AUTS2: variants seen among roughly 807,000 people sequenced by gnomAD.
AUTS2 encodes the protein activator of transcription and developmental regulator AUTS2.
A neutral mutation model predicts 112.4 loss-of-function variants in AUTS2; 17 were observed. That is an observed-to-expected ratio of 0.15 (90% CI 0.10 to 0.23). The LOEUF (loss-of-function observed/expected upper bound fraction) is 0.23. AUTS2 is among the 10% of genes least tolerant of loss of function. The probability of loss-of-function intolerance (pLI) is 1.00; values close to 1 mark genes in which losing one functional copy is unlikely to be tolerated. For missense variants in AUTS2, 1,510 were observed against 1,701.6 expected, an observed-to-expected ratio of 0.89 and a Z score of 1.98; for synonymous variants, 751 against 702.7, an observed-to-expected ratio of 1.07 and a Z score of -1.09.
chr7:70,171,169 A>C (rs1478029956), intron 4 of AUTS2, among the ~76,000 whole-genome samples: 1 of 152,174 alleles, frequency 6.6e-6, no homozygotes, highest in Non-Finnish European at 1.5e-5. Context: ...CAAAATTGAA[A>C]ATTCTTTAAA....
intron 6 of AUTS2, among the ~76,000 whole-genome samples, chr7:70,737,034 A>G (rs112826151): frequency 6.6e-6 from 1 of 152,222 alleles, no homozygotes; most frequent in Non-Finnish European, 1.5e-5. Flanking sequence ...TTTTACTCTC[A>G]AGTGACTAAA....
chr7:69,609,108 C>T (rs542158800), intron 1 of AUTS2, among the ~76,000 whole-genome samples: 1 of 152,234 alleles, frequency 6.6e-6, no homozygotes, highest in South Asian at 2.1e-4. Flanking sequence ...AACAACAGCC[C>T]ACAGGGGTTA....
chr7:70,195,691 G>A lies in AUTS2; in HGVS notation c.660+61120G>A, dbSNP rs190763586. Among the ~76,000 whole-genome samples the A allele has an allele frequency of 7.3e-4, 111 of 152,248 alleles. 1 individual carries two copies. In the Middle Eastern group the frequency reaches 0.014, roughly 19 times the overall value. On this transcript the variant is annotated intron_variant, in intron 4 of 18. Transcript: ENST00000342771. ...ACCAAAAGAATTCTAAATCTGCTCT[G>A]AATAGTAGAAGACAATGGGAGACAT...
chr7:70,514,409 G>C (rs1799330770), intron 5 of AUTS2, among the ~76,000 whole-genome samples: 4 of 152,212 alleles, frequency 2.6e-5, no homozygotes, highest in Admixed American at 2.6e-4. Flanking sequence ...TTGGCTTCTG[G>C]TGAGGCCTCA....
intron 2 of AUTS2, among the ~76,000 whole-genome samples, chr7:70,054,089 T>C (rs1026026095): frequency 3.3e-5 from 5 of 152,208 alleles, no homozygotes; most frequent in African/African-American, 1.2e-4. Flanking sequence ...TGTGCACTAT[T>C]CAATTCGGTA....
intron 4 of AUTS2, among the ~76,000 whole-genome samples, chr7:70,331,683 A>G (rs183641383): frequency 9.7e-4 from 147 of 152,278 alleles, no homozygotes; most frequent in African/African-American, 3.1e-3. Context: ...ATCAATAAAC[A>G]TAATCGATCA....
intron 2 of AUTS2, among the ~76,000 whole-genome samples, chr7:70,071,603 A>G (rs1263959787): frequency 6.6e-6 from 1 of 152,086 alleles, no homozygotes; most frequent in Non-Finnish European, 1.5e-5. Flanking sequence ...GCTTTTTTTC[A>G]TATTGGCTTG....
chr7:70,076,518 A>T (rs1363417073), intron 2 of AUTS2, among the ~76,000 whole-genome samples: 2 of 152,212 alleles, frequency 1.3e-5, no homozygotes, highest in African/African-American at 2.4e-5. Flanking sequence ...AGGTAGAATT[A>T]TAACAGGTTT....
At chr7:70,735,399 T>C (rs1452520317) in intron 6 of AUTS2, among the ~76,000 whole-genome samples, 3 of 152,200 alleles carry the variant, frequency 2.0e-5, no homozygotes, top group African/African-American at 7.2e-5. Flanking sequence ...CAGGAGCACG[T>C]CCAGAGGAGA....
Position 69,635,733 on chromosome 7 carries a change from C to T in AUTS2, c.309+35771C>T, listed in dbSNP as rs769299049. Among the ~76,000 whole-genome samples, 269 of 152,288 alleles carry T rather than the reference C, an allele frequency of 1.8e-3. 1 individual carries two copies. Among genetic ancestry groups the T allele is most frequent in the Non-Finnish European group, 2.3e-3 (155 of 68,034 alleles). On this transcript the variant is annotated intron_variant, in intron 1 of 18. Transcript: ENST00000342771. ...GAGACCTTAACAAATCAAGCCTTGGCAAGGAAATCTGTCATGAATCAGCAA... is the reference window on the plus strand; with the variant it reads ...GAGACCTTAACAAATCAAGCCTTGGTAAGGAAATCTGTCATGAATCAGCAA...
intron 1 of AUTS2, among the ~76,000 whole-genome samples, chr7:69,742,597 A>G (rs1237937690): frequency 6.6e-6 from 1 of 152,182 alleles, no homozygotes; most frequent in Non-Finnish European, 1.5e-5. Flanking sequence ...GTGGGAGTAC[A>G]TTTAAGCATC....
chr7:69,936,087 T>C (rs1004915638), intron 2 of AUTS2, among the ~76,000 whole-genome samples: 1 of 152,254 alleles, frequency 6.6e-6, no homozygotes, highest in African/African-American at 2.4e-5. Context: ...GAAATTCTTG[T>C]CCTCTAATGG....
rs1392463402 is a variant in AUTS2, at chr7:69,611,907, G to T, written c.309+11945G>T. On this transcript the variant is annotated intron_variant, in intron 1 of 18. Transcript: ENST00000342771. ...ATTGCGCCACTGCAGTCCGCAGTCC[G>T]GCCTGGGCGACAGAGCGAGACTCCG... Among the ~76,000 whole-genome samples, 4 of 145,246 alleles carry T rather than the reference G, an allele frequency of 2.8e-5. No homozygotes were observed. The East Asian group carries it at 8.0e-4, about 29-fold the overall frequency.
At chr7:70,603,322 C>T (rs1803571275) in intron 5 of AUTS2, among the ~76,000 whole-genome samples, 1 of 152,186 alleles carries the variant, frequency 6.6e-6, no homozygotes, top group African/African-American at 2.4e-5. Flanking sequence ...CACCCACACT[C>T]CTCCCAGTGT....
chr7:70,425,483 A>G (rs1795394542), intron 4 of AUTS2, among the ~76,000 whole-genome samples: 1 of 152,186 alleles, frequency 6.6e-6, no homozygotes, highest in African/African-American at 2.4e-5. Flanking sequence ...TTTCTACTCC[A>G]AGAGGAGATT....
At chr7:69,663,416 A>T (rs1043940550) in intron 1 of AUTS2, among the ~76,000 whole-genome samples, 3 of 152,206 alleles carry the variant, frequency 2.0e-5, no homozygotes, top group African/African-American at 7.2e-5. Context: ...ACCAGAAATA[A>T]TAAGATACAC....
intron 2 of AUTS2, among the ~76,000 whole-genome samples, chr7:70,069,976 T>G (rs930956775): frequency 6.6e-6 from 1 of 152,094 alleles, no homozygotes; most frequent in Non-Finnish European, 1.5e-5. Flanking sequence ...TGAGAGCAGG[T>G]CAGTATGACC....
At chr7:70,526,305 G>A (rs756915312) in intron 5 of AUTS2, among the ~76,000 whole-genome samples, 1 of 152,142 alleles carries the variant, frequency 6.6e-6, no homozygotes, top group Non-Finnish European at 1.5e-5. Flanking sequence ...TGCTGACATC[G>A]TTTATTCTTC....
At chr7:70,065,901 C>CGTT (rs1257441582) in intron 2 of AUTS2, among the ~76,000 whole-genome samples, 3 of 151,920 alleles carry the variant, frequency 2.0e-5, no homozygotes, top group Non-Finnish European at 4.4e-5. Context: ...AGAGAGGGAG[C>CGTT]GTTGCTTTGT....
Sources: allele counts gnomAD v4.1 joint callset (sites outside exome capture counted in the v4.1 genomes callset), GRCh38; gene constraint gnomAD v4.1.1; transcripts MANE v1.5; gene names NCBI Gene and HGNC (gene_info 2026-07-23, HGNC 2026-07-21).